The following RNF13 variants were observed in gnomAD, a reference collection of about 807,000 sequenced individuals.
RNF13 encodes the protein E3 ubiquitin-protein ligase RNF13.
RNF13 carries 19 observed loss-of-function variants against 37.7 expected under a neutral mutation model. The ratio of observed to expected loss-of-function variants is 0.50; its 90% CI spans 0.35 to 0.74. RNF13 has a LOEUF of 0.74. RNF13 is among the 30% of genes least tolerant of loss of function. The pLI, the probability that RNF13 is intolerant of heterozygous loss-of-function variation, is 0.01. For synonymous variants in RNF13, 144 were observed against 157.8 expected, an observed-to-expected ratio of 0.91 and a Z score of 0.65; for missense variants, 375 against 453.0, an observed-to-expected ratio of 0.83 and a Z score of 1.56.
At chr3:149,897,277 G>C (rs1230342606) in intron 5 of RNF13, among the ~76,000 whole-genome samples, 2 of 152,192 alleles carry the variant, frequency 1.3e-5, no homozygotes, top group East Asian at 3.8e-4. Context: ...AAAGGCCCAA[G>C]CCCAGGATTT....
At chr3:149,837,682 G>T (rs956864927) in intron 1 of RNF13, among the ~76,000 whole-genome samples, 1 of 152,120 alleles carries the variant, frequency 6.6e-6, no homozygotes, top group Admixed American at 6.5e-5. Context: ...CTCCATGATT[G>T]AATTACCTCC....
At chr3:149,858,929 A>G (rs1379682135) in intron 3 of RNF13, among the ~76,000 whole-genome samples, 1 of 152,224 alleles carries the variant, frequency 6.6e-6, no homozygotes, top group Admixed American at 6.5e-5. Context: ...TTGAGATTAG[A>G]AGAGAGTTTT....
At chr3:149,853,465 AG>A in intron 3 of RNF13, among the ~76,000 whole-genome samples, 1 of 100,206 alleles carries the variant, frequency 1.0e-5, no homozygotes. Flanking sequence ...GGAGAGAGAG[AG>A]AGAGAGAGAG....
chr3:149,882,833 G>T (rs911845957), intron 4 of RNF13, among the ~76,000 whole-genome samples: 2 of 152,058 alleles, frequency 1.3e-5, no homozygotes, highest in African/African-American at 4.8e-5. Context: ...AATGTATCAG[G>T]TTGTCACAGT....
chr3:149,860,959 A>G (rs1361980340), intron 3 of RNF13, among the ~76,000 whole-genome samples: 2 of 152,178 alleles, frequency 1.3e-5, no homozygotes, highest in African/African-American at 4.8e-5. Context: ...ATCTAAACAG[A>G]TATTTTTCAA....
At chr3:149,844,475 T>A (rs1195279269) in intron 1 of RNF13, among the ~76,000 whole-genome samples, 1 of 152,164 alleles carries the variant, frequency 6.6e-6, no homozygotes, top group East Asian at 1.9e-4. Flanking sequence ...ATATAGACAC[T>A]CTCTGTCTAG....
chr3:149,946,536 A>C (rs1720786382), intron 8 of RNF13, among the ~76,000 whole-genome samples: 1 of 152,030 alleles, frequency 6.6e-6, no homozygotes, highest in Non-Finnish European at 1.5e-5. Flanking sequence ...TTTCTTCATG[A>C]TTTAGTACTG....
chr3:149,852,228 G>C (rs1723184711), intron 2 of RNF13, among the ~76,000 whole-genome samples: 1 of 152,114 alleles, frequency 6.6e-6, no homozygotes, highest in African/African-American at 2.4e-5. Context: ...AAAATTCCTT[G>C]CTAGGAAATT....
chr3:149,897,554 T>C (rs947991381), intron 5 of RNF13, among the ~76,000 whole-genome samples: 7 of 152,216 alleles, frequency 4.6e-5, no homozygotes, highest in African/African-American at 1.7e-4. Flanking sequence ...ATGTTTCAAC[T>C]GAGTTGTTGT....
chr3:149,829,567 G>A (rs1377546781), intron 1 of RNF13, among the ~76,000 whole-genome samples: 3 of 152,100 alleles, frequency 2.0e-5, no homozygotes, highest in Non-Finnish European at 4.4e-5. Flanking sequence ...ACTTTGGAAG[G>A]CTTTATGTTA....
chr3:149,928,166 A>G (rs1198768467), intron 8 of RNF13, among the ~76,000 whole-genome samples: 1 of 151,890 alleles, frequency 6.6e-6, no homozygotes, highest in East Asian at 1.9e-4. Context: ...AATTCCAAGA[A>G]CTTTTTTTGC....
At chr3:149,907,936 T>A (rs1192170284) in intron 6 of RNF13, among the ~76,000 whole-genome samples, 1 of 152,274 alleles carries the variant, frequency 6.6e-6, no homozygotes. Flanking sequence ...ATTGTCATAT[T>A]GCCCTTTAAA....
intron 6 of RNF13, among the ~76,000 whole-genome samples, chr3:149,903,710 TTAAA>T (rs765424708): frequency 3.0e-4 from 45 of 152,272 alleles, no homozygotes; most frequent in Admixed American, 7.8e-4. Flanking sequence ...TTTTAAAAAG[TTAAA>T]TAACATTCCA....
chr3:149,960,094 TATGAAG>T lies in RNF13; in HGVS notation c.743_748del (p.Glu248_Asp249del). On this transcript the variant is annotated inframe_deletion, in exon 9 of 10. Transcript: ENST00000392894. ...TGTATGTGCCATTTGTTTGGATGAG[TATGAAG>T]ATGGAGACAAACTCAGAATCCTTCC... 2 of 1,612,656 alleles carry T rather than the reference TATGAAG, an allele frequency of 1.2e-6. No individual in the cohort carries two copies. The highest frequency in any genetic ancestry group is 1.7e-6 in the Non-Finnish European group (2 of 1,178,734).
intron 8 of RNF13, 111 bp from the exon 9 acceptor site, chr3:149,959,945 G>C: frequency 1.5e-6 from 1 of 657,622 alleles, no homozygotes; most frequent in Non-Finnish European, 2.7e-6. Flanking sequence ...CCTTGAGTCC[G>C]ATGCAAAAGG....
intron 1 of RNF13, among the ~76,000 whole-genome samples, chr3:149,818,333 A>G (rs187034744): frequency 3.9e-5 from 6 of 152,290 alleles, no homozygotes; most frequent in Admixed American, 2.6e-4. Context: ...ATTTGTACCT[A>G]TTTAAGCAGA....
chr3:149,847,472 A>G (rs1369568513), intron 2 of RNF13, among the ~76,000 whole-genome samples: 1 of 152,158 alleles, frequency 6.6e-6, no homozygotes, highest in African/African-American at 2.4e-5. Flanking sequence ...TTCTGAGATC[A>G]TTGTAGCACT....
intron 2 of RNF13, among the ~76,000 whole-genome samples, chr3:149,849,654 T>C (rs1722955471): frequency 6.6e-6 from 1 of 152,232 alleles, no homozygotes; most frequent in Non-Finnish European, 1.5e-5. Context: ...CTGGTTCTTC[T>C]AATTTACCAG....
At chr3:149,857,218 A>G (rs377662082) in intron 3 of RNF13, among the ~76,000 whole-genome samples, 2 of 152,176 alleles carry the variant, frequency 1.3e-5, no homozygotes, top group African/African-American at 2.4e-5. Context: ...TTCTGTTTAC[A>G]TTCTATTTAT....
Sources: gnomAD v4.1 joint callset for allele counts (sites outside exome capture counted in the v4.1 genomes callset) on GRCh38, gnomAD v4.1.1 for gene constraint, MANE v1.5 for transcripts, NCBI Gene and HGNC (gene_info 2026-07-23, HGNC 2026-07-21) for gene names.